SKAP1: variants seen among roughly 807,000 people sequenced by gnomAD.
SKAP1 encodes src kinase-associated phosphoprotein 1.
Under a neutral mutation model 58.5 loss-of-function variants are expected in SKAP1, and 44 were observed. The ratio of observed to expected loss-of-function variants is 0.75; its 90% CI spans 0.59 to 0.97. The LOEUF is 0.97. Ranked by LOEUF, SKAP1 falls within the 50% of genes least tolerant of loss-of-function variation. The probability of loss-of-function intolerance (pLI) is 0.00; values close to 1 mark genes in which losing one functional copy is unlikely to be tolerated. For synonymous variants in SKAP1, 127 were observed against 149.7 expected (o/e 0.85, Z 1.11); for missense variants, 390 against 435.2 (o/e 0.90, Z 0.92).
chr17:48,173,116 G>A (rs190490443), intron 9 of SKAP1, among the ~76,000 whole-genome samples: 5 of 152,114 alleles, frequency 3.3e-5, no homozygotes, highest in Admixed American at 2.0e-4. Flanking sequence ...AGAGTTTGAG[G>A]CTGCAGTAAG....
intron 3 of SKAP1, among the ~76,000 whole-genome samples, chr17:48,358,124 G>C (rs952236057): frequency 6.6e-6 from 1 of 151,700 alleles, no homozygotes; most frequent in Non-Finnish European, 1.5e-5. Context: ...AATAGTGGTG[G>C]AAAGATACTT....
At chr17:48,222,837 G>A (rs902345419) in intron 4 of SKAP1, among the ~76,000 whole-genome samples, 14 of 150,940 alleles carry the variant, frequency 9.3e-5, no homozygotes, top group African/African-American at 1.7e-4. Flanking sequence ...AGGCTGAGGC[G>A]GGTGGATCAC....
chr17:48,193,997 A>G (rs931892710), intron 4 of SKAP1, among the ~76,000 whole-genome samples: 5 of 152,140 alleles, frequency 3.3e-5, no homozygotes, highest in African/African-American at 1.2e-4. Context: ...AATAAAAATG[A>G]TTTTGATTTA....
intron 4 of SKAP1, among the ~76,000 whole-genome samples, chr17:48,266,678 T>C (rs879699558): frequency 4.0e-5 from 6 of 151,790 alleles, no homozygotes; most frequent in Admixed American, 3.3e-4. Flanking sequence ...GCCCGGCTAA[T>C]TTTTTGTATT....
intron 8 of SKAP1, 89 bp downstream of exon 8, chr17:48,182,304 AT>A: frequency 1.1e-6 from 1 of 923,050 alleles, no homozygotes; most frequent in Admixed American, 2.2e-5. Flanking sequence ...GGCAGAAAAA[AT>A]ACATACTGAA....
chr17:48,286,989 G>A (rs928479817), intron 4 of SKAP1, among the ~76,000 whole-genome samples: 9 of 152,144 alleles, frequency 5.9e-5, no homozygotes, highest in East Asian at 3.9e-4. Context: ...CCAGCTACTC[G>A]GGAGGCTGGG....
the SKAP1 span, among the ~76,000 whole-genome samples, chr17:48,438,273 G>A: frequency 1.3e-5 from 2 of 152,146 alleles, no homozygotes; most frequent in African/African-American, 4.8e-5. Flanking sequence ...AATATATGTA[G>A]TGCTTACACC....
At chr17:48,219,437 A>G (rs2064976609) in intron 4 of SKAP1, among the ~76,000 whole-genome samples, 1 of 152,172 alleles carries the variant, frequency 6.6e-6, no homozygotes, top group South Asian at 2.1e-4. Flanking sequence ...ATGACTGTTT[A>G]TTGGTTAGTA....
intron 10 of SKAP1, 26 bp from the exon 11 acceptor site, chr17:48,162,595 G>A (rs1239987616): frequency 1.9e-6 from 3 of 1,568,070 alleles, no homozygotes; most frequent in East Asian, 2.2e-5. Flanking sequence ...AGAAATCAAA[G>A]TTAAAAGGAC....
intron 12 of SKAP1, among the ~76,000 whole-genome samples, chr17:48,134,766 C>T (rs1270688682): frequency 1.3e-5 from 2 of 150,100 alleles, no homozygotes; most frequent in Admixed American, 6.6e-5. Flanking sequence ...TACAATGGCG[C>T]GATCTCGGCT....
rs188338642 is a variant in SKAP1 at position 48,338,867 on chromosome 17, T to C, written c.280+7038A>G. Among the ~76,000 whole-genome samples, 6 of 152,372 alleles carry C rather than the reference T, an allele frequency of 3.9e-5. No individual in the cohort carries two copies. In the East Asian group the frequency reaches 9.6e-4, roughly 24 times the overall value. On this transcript the variant is annotated intron_variant, in intron 4 of 12. Coordinates refer to ENST00000336915, the MANE Select transcript of SKAP1 (RefSeq NM_003726.4). Reference sequence around the variant, plus strand: ...GTTTGTCATCTTCATCTGTGATTTATACCAGACTATATAAACGACATGATT... The same window carrying C: ...GTTTGTCATCTTCATCTGTGATTTACACCAGACTATATAAACGACATGATT...
intron 4 of SKAP1, among the ~76,000 whole-genome samples, chr17:48,199,689 A>AT: frequency 6.6e-6 from 1 of 152,252 alleles, no homozygotes; most frequent in Non-Finnish European, 1.5e-5. Context: ...ATAAGACCTT[A>AT]GTAACAATGT....
rs182536955 is a variant in SKAP1, at chr17:48,269,025, A to G, written c.280+76880T>C. ...ATCAATAGAATAGGATAAAGAGCTC[A>G]TTTTAGATGTAATATACTAATATAT... On this transcript the variant is annotated intron_variant, in intron 4 of 12. Transcript: ENST00000336915. Among the ~76,000 whole-genome samples, 628 of 152,252 alleles carry G rather than the reference A, an allele frequency of 4.1e-3. 6 individuals are homozygous for G. The highest frequency in any genetic ancestry group is 0.015 in the African/African-American group (604 of 41,544).
chr17:48,247,384 C>A (rs1286539075), intron 4 of SKAP1, among the ~76,000 whole-genome samples: 2 of 152,212 alleles, frequency 1.3e-5, no homozygotes, highest in Non-Finnish European at 2.9e-5. Flanking sequence ...GAGGAAGCTG[C>A]CAATACTATG....
chr17:48,362,603 G>C (rs974720081), intron 3 of SKAP1, among the ~76,000 whole-genome samples: 1 of 152,198 alleles, frequency 6.6e-6, no homozygotes, highest in African/African-American at 2.4e-5. Context: ...GAGATATGTA[G>C]TAACAGCACA....
intron 4 of SKAP1, among the ~76,000 whole-genome samples, chr17:48,273,999 G>C (rs1458811435): frequency 1.3e-5 from 2 of 152,112 alleles, no homozygotes; most frequent in African/African-American, 2.4e-5. Context: ...AGCTTATTCA[G>C]TGCAGCCTCA....
At chr17:48,437,761 A>AAAAAC in the SKAP1 span, among the ~76,000 whole-genome samples, 1 of 151,396 alleles carries the variant, frequency 6.6e-6, no homozygotes. Context: ...AAAAAAAAAA[A>AAAAAC]AATAGGTAAT....
At chr17:48,443,823 A>C in the SKAP1 span, among the ~76,000 whole-genome samples, 1 of 152,152 alleles carries the variant, frequency 6.6e-6, no homozygotes. Flanking sequence ...TTTCAAACTT[A>C]CAGAAAAGTT....
chr17:48,245,697 C>T (rs1458490804), intron 4 of SKAP1, among the ~76,000 whole-genome samples: 6 of 152,040 alleles, frequency 3.9e-5, no homozygotes, highest in African/African-American at 4.8e-5. Flanking sequence ...AATAAGAGGC[C>T]GGGTGCGGTG....
Sources: gnomAD v4.1 joint callset for allele counts (sites outside exome capture counted in the v4.1 genomes callset) on GRCh38, gnomAD v4.1.1 for gene constraint, MANE v1.5 for transcripts, NCBI Gene and HGNC (gene_info 2026-07-23, HGNC 2026-07-21) for gene names.